The following DOCK4 variants were observed in gnomAD, a reference collection of about 807,000 sequenced individuals.
DOCK4 encodes dedicator of cytokinesis protein 4.
Under a neutral mutation model 268.1 loss-of-function variants are expected in DOCK4, and 97 were observed. That is an observed-to-expected ratio of 0.36 (90% CI 0.31 to 0.43). The LOEUF is 0.43. DOCK4 is among the 20% of genes least tolerant of loss of function. DOCK4 has a pLI of 1.00. For missense variants in DOCK4, 2,145 were observed against 2,455.7 expected, an observed-to-expected ratio of 0.87 and a Z score of 2.67; for synonymous variants, 954 against 887.2, an observed-to-expected ratio of 1.08 and a Z score of -1.34.
At chr7:112,008,512 C>A (rs58674185) in intron 1 of DOCK4, among the ~76,000 whole-genome samples, 19 of 152,110 alleles carry the variant, frequency 1.2e-4, no homozygotes, top group Non-Finnish European at 2.5e-4. Flanking sequence ...AACACAACTC[C>A]TAATTTTCTA....
chr7:112,133,483 G>T (rs1433804546), intron 1 of DOCK4, among the ~76,000 whole-genome samples: 1 of 152,144 alleles, frequency 6.6e-6, no homozygotes, highest in Non-Finnish European at 1.5e-5. Flanking sequence ...TGTAATCCCA[G>T]CACTTTGGCA....
At chr7:112,176,547 G>GT (rs1818525977) in intron 1 of DOCK4, among the ~76,000 whole-genome samples, 1 of 152,120 alleles carries the variant, frequency 6.6e-6, no homozygotes. Context: ...AAAATGTATT[G>GT]GAAAAAAACT....
chr7:112,182,532 T>A (rs984809619), intron 1 of DOCK4, among the ~76,000 whole-genome samples: 2 of 152,234 alleles, frequency 1.3e-5, no homozygotes, highest in Non-Finnish European at 2.9e-5. Context: ...CTCAGTTTCA[T>A]ATGCTACATT....
At position 111,755,611 on chromosome 7, in the gene DOCK4, A is replaced by G. The variant is rs1796969843; in HGVS notation, c.4330-10T>C. 1 of 1,613,384 alleles carries G rather than the reference A, an allele frequency of 6.2e-7. No homozygotes were observed. Among genetic ancestry groups the G allele is most frequent in the Non-Finnish European group, 8.5e-7 (1 of 1,179,538 alleles). On this transcript the variant is annotated splice_polypyrimidine_tract_variant and intron_variant, in intron 41 of 52. Transcript: ENST00000428084. ...TCTCCACCCAGAGACTCTACAAAAC[A>G]CAAAACACATTAAGTCTCCCAAGTT... is the stretch of plus-strand genomic sequence containing the variant.
intron 49 of DOCK4, among the ~76,000 whole-genome samples, chr7:111,738,166 C>T (rs1563430923): frequency 6.6e-6 from 1 of 152,222 alleles, no homozygotes; most frequent in African/African-American, 2.4e-5. Context: ...CTTCAAGGCT[C>T]CTGAAGTGCC....
At chr7:112,044,364 G>A (rs1001642509) in intron 1 of DOCK4, among the ~76,000 whole-genome samples, 1 of 152,096 alleles carries the variant, frequency 6.6e-6, no homozygotes, top group African/African-American at 2.4e-5. Context: ...CTGTGTCCTT[G>A]GGCACCTCAT....
intron 1 of DOCK4, among the ~76,000 whole-genome samples, chr7:112,020,063 A>T (rs1319324402): frequency 6.6e-6 from 1 of 152,238 alleles, no homozygotes; most frequent in East Asian, 1.9e-4. Context: ...AAGCTGTGTG[A>T]CAGATATATA....
Position 111,982,800 on chromosome 7 carries a change from G to A in DOCK4, c.549+1506C>T, listed in dbSNP as rs547542530. Among the ~76,000 whole-genome samples the A allele has an allele frequency of 2.0e-5, 3 of 152,216 alleles. No individual in the cohort carries two copies. In the East Asian group the frequency reaches 5.8e-4, roughly 29 times the overall value. Reference sequence around the variant, plus strand: ...AGGTATACACAGTGTGTTCCCTAAAGGAACTTAAAAATTAAGTGAGAGATG... The same window carrying A: ...AGGTATACACAGTGTGTTCCCTAAAAGAACTTAAAAATTAAGTGAGAGATG... On this transcript the variant is annotated intron_variant, in intron 7 of 52. Transcript: ENST00000428084.
chr7:112,113,734 A>ATTTTTTTTTTTTTTTTTT (rs57672966), intron 1 of DOCK4, among the ~76,000 whole-genome samples: 2 of 49,548 alleles, frequency 4.0e-5, no homozygotes, highest in Non-Finnish European at 7.4e-5. Context: ...TACTTGGCTG[A>ATTTTTTTTTTTTTTTTTT]TTTTTTTTTT....
chr7:111,994,197 C>G lies in DOCK4; in HGVS notation c.253G>C (p.Val85Leu). The G allele has an allele frequency of 1.2e-6, 2 of 1,605,504 alleles. No homozygotes were observed. Among genetic ancestry groups the G allele is most frequent in the Admixed American group, 1.7e-5 (1 of 59,692 alleles). The stretch of plus-strand genomic sequence containing the variant: ...AATGTTGATGTCATTTCTGTGATAA[C>G]AGAGTCTTCAGTGGGAATAACCATT... ...FEMVIPTEDS[V>L]ITEMTSTLRD... Residue 85 changes from valine (V) to leucine (L), a missense_variant, in exon 5 of 53, where the codon GTT (valine) becomes CTT (leucine). Val to Leu is a conservative substitution (Grantham distance 32). Coordinates refer to ENST00000428084, the MANE Select transcript of DOCK4 (RefSeq NM_001363540.2).
intron 13 of DOCK4, among the ~76,000 whole-genome samples, chr7:111,914,373 T>C (rs547586563): frequency 1.3e-5 from 2 of 152,294 alleles, no homozygotes; most frequent in Non-Finnish European, 2.9e-5. Context: ...TGTGGCAATG[T>C]AAAGCAGTGT....
chr7:112,053,317 A>T (rs989094497), intron 1 of DOCK4, among the ~76,000 whole-genome samples: 5 of 152,216 alleles, frequency 3.3e-5, no homozygotes, highest in East Asian at 3.9e-4. Flanking sequence ...ACTGGAGTAG[A>T]TCATGCTGCA....
At chr7:112,024,604 C>T (rs1802613515) in intron 1 of DOCK4, among the ~76,000 whole-genome samples, 1 of 152,162 alleles carries the variant, frequency 6.6e-6, no homozygotes, top group East Asian at 1.9e-4. Context: ...CCAAAGCCAA[C>T]CTAGTCAAAT....
At chr7:111,991,031 T>C (rs1033130701) in intron 5 of DOCK4, among the ~76,000 whole-genome samples, 5 of 152,182 alleles carry the variant, frequency 3.3e-5, no homozygotes, top group East Asian at 3.8e-4. Context: ...TCAAATCTCA[T>C]GTAGCAAAGA....
intron 1 of DOCK4, among the ~76,000 whole-genome samples, chr7:112,047,266 G>A (rs1804908557): frequency 6.6e-6 from 1 of 152,104 alleles, no homozygotes; most frequent in Non-Finnish European, 1.5e-5. Flanking sequence ...CAGAAGGAAG[G>A]TTAAGAGTAT....
chr7:111,821,657 C>G (rs1268199121), intron 27 of DOCK4: 3 of 152,176 alleles, frequency 2.0e-5, no homozygotes, highest in African/African-American at 7.2e-5. Flanking sequence ...CCAATATCGA[C>G]TTTATGTCAA....
intron 1 of DOCK4, among the ~76,000 whole-genome samples, chr7:112,093,451 G>C (rs926838214): frequency 6.6e-6 from 1 of 152,044 alleles, no homozygotes; most frequent in Non-Finnish European, 1.5e-5. Flanking sequence ...ATTTAAAGGG[G>C]GGGGGAAACA....
intron 1 of DOCK4, among the ~76,000 whole-genome samples, chr7:112,149,839 G>A (rs1815890497): frequency 6.6e-6 from 1 of 152,136 alleles, no homozygotes; most frequent in Admixed American, 6.6e-5. Flanking sequence ...CTCAGTCTCT[G>A]AAATATGCCC....
At chr7:111,786,598 G>T (rs1799184341) in intron 32 of DOCK4, among the ~76,000 whole-genome samples, 1 of 152,144 alleles carries the variant, frequency 6.6e-6, no homozygotes, top group African/African-American at 2.4e-5. Context: ...ACTCCAAGGG[G>T]TCCATTTTGG....
Sources: allele counts gnomAD v4.1 joint callset (sites outside exome capture counted in the v4.1 genomes callset), GRCh38; gene constraint gnomAD v4.1.1; transcripts MANE v1.5; gene names NCBI Gene and HGNC (gene_info 2026-07-23, HGNC 2026-07-21).